Variants in RBFOX1 observed in about 807,000 individuals in gnomAD.
The protein encoded by RBFOX1 is RNA binding fox-1 homolog 1.
Under a neutral mutation model 57.7 loss-of-function variants are expected in RBFOX1, and 8 were observed. The observed-to-expected ratio is 0.14, with a 90% CI of 0.08 to 0.25. The LOEUF is 0.25. RBFOX1 is among the 10% of genes least tolerant of loss of function. RBFOX1 has a pLI of 1.00. For missense variants in RBFOX1, 611 were observed against 548.5 expected (o/e 1.11, Z -1.14); for synonymous variants, 326 against 222.4 (o/e 1.47, Z -4.15).
intron 3 of RBFOX1, among the ~76,000 whole-genome samples, chr16:5,622,507 G>A (rs1033325285): frequency 1.3e-5 from 2 of 152,206 alleles, no homozygotes; most frequent in Non-Finnish European, 2.9e-5. Context: ...CTTCGTTCAT[G>A]CCTGTGGAAT....
intron 1 of RBFOX1, among the ~76,000 whole-genome samples, chr16:5,383,607 C>G (rs942819552): frequency 6.6e-6 from 1 of 152,152 alleles, no homozygotes; most frequent in African/African-American, 2.4e-5. Context: ...TAGTAAGTCC[C>G]TAGGATCAAC....
At chr16:6,072,311 T>A (rs1023164849) in intron 1 of RBFOX1, among the ~76,000 whole-genome samples, 1 of 152,086 alleles carries the variant, frequency 6.6e-6, no homozygotes. Context: ...AAGGTGAAAT[T>A]TAGGTGGGGA....
At chr16:5,879,870 G>A (rs762460093) in intron 4 of RBFOX1, among the ~76,000 whole-genome samples, 3 of 152,124 alleles carry the variant, frequency 2.0e-5, no homozygotes, top group Non-Finnish European at 2.9e-5. Context: ...GAAAGGAAAC[G>A]GGGAATCTCT....
At chr16:6,940,284 ATAG>A (rs2078141080) in intron 3 of RBFOX1, among the ~76,000 whole-genome samples, 1 of 152,202 alleles carries the variant, frequency 6.6e-6, no homozygotes, top group East Asian at 1.9e-4. Context: ...TGCTGCCCAT[ATAG>A]GAAGGGGCTG....
intron 1 of RBFOX1, among the ~76,000 whole-genome samples, chr16:6,281,221 G>A (rs1355231920): frequency 6.6e-6 from 1 of 151,944 alleles, no homozygotes; most frequent in Non-Finnish European, 1.5e-5. Context: ...CTCCATGCCC[G>A]GTGCTAGGAC....
intron 2 of RBFOX1, among the ~76,000 whole-genome samples, chr16:6,579,204 A>T (rs554762328): frequency 1.3e-5 from 2 of 151,650 alleles, no homozygotes; most frequent in East Asian, 3.9e-4. Context: ...CTTTTTTGTT[A>T]TTGTTGTTTT....
intron 3 of RBFOX1, among the ~76,000 whole-genome samples, chr16:6,949,784 C>T (rs2080314494): frequency 6.7e-6 from 1 of 149,296 alleles, no homozygotes; most frequent in Admixed American, 6.7e-5. Context: ...GGGAATTGTT[C>T]ATTTTCTTCT....
At chr16:7,707,710 A>C (rs1387490619) in intron 14 of RBFOX1, among the ~76,000 whole-genome samples, 1 of 152,160 alleles carries the variant, frequency 6.6e-6, no homozygotes, top group African/African-American at 2.4e-5. Context: ...CTAATGCCGA[A>C]AACTTATGTA....
chr16:6,387,436 G>C (rs117553615), intron 2 of RBFOX1, among the ~76,000 whole-genome samples: 3,631 of 146,446 alleles, frequency 0.025, 85 homozygotes, highest in Middle Eastern at 0.038. Flanking sequence ...GCTTGTGAGG[G>C]AAGAGCCACC....
intron 2 of RBFOX1, among the ~76,000 whole-genome samples, chr16:5,530,116 G>C (rs932540553): frequency 2.6e-5 from 4 of 152,148 alleles, no homozygotes; most frequent in African/African-American, 9.7e-5. Context: ...ATGGCACTTT[G>C]CTATGGTAGC....
At chr16:6,467,107 C>G (rs1246064482) in intron 2 of RBFOX1, among the ~76,000 whole-genome samples, 3 of 150,238 alleles carry the variant, frequency 2.0e-5, no homozygotes, top group Admixed American at 1.3e-4. Context: ...ATAAAATTTA[C>G]TTAATATATG....
At chr16:5,405,632 T>G (rs2066844313) in intron 1 of RBFOX1, among the ~76,000 whole-genome samples, 1 of 152,226 alleles carries the variant, frequency 6.6e-6, no homozygotes, top group African/African-American at 2.4e-5. Context: ...AATGAGTTCA[T>G]GAATAAATCA....
intron 9 of RBFOX1, among the ~76,000 whole-genome samples, chr16:7,599,795 G>A (rs2152973638): frequency 1.2e-5 from 1 of 84,228 alleles, no homozygotes; most frequent in Non-Finnish European, 2.4e-5. Flanking sequence ...ACAATGCCTG[G>A]CTAGTTTTTT....
At chr16:5,865,425 T>C (rs911288956) in intron 3 of RBFOX1, among the ~76,000 whole-genome samples, 1 of 152,152 alleles carries the variant, frequency 6.6e-6, no homozygotes, top group African/African-American at 2.4e-5. Flanking sequence ...GGGCCCCGGA[T>C]TCATGGCTTG....
intron 4 of RBFOX1, among the ~76,000 whole-genome samples, chr16:7,231,091 G>A (rs914879150): frequency 2.6e-5 from 4 of 152,094 alleles, no homozygotes; most frequent in Admixed American, 6.6e-5. Flanking sequence ...TACCTCTCCA[G>A]AATTCAGGGT....
chr16:5,848,979 A>AC (rs983282207), intron 3 of RBFOX1, among the ~76,000 whole-genome samples: 38 of 151,496 alleles, frequency 2.5e-4, no homozygotes, highest in East Asian at 1.4e-3. Flanking sequence ...AACAACAACA[A>AC]AAAAAAACAG....
chr16:6,089,586 C>G (rs1597201533), intron 1 of RBFOX1, among the ~76,000 whole-genome samples: 1 of 152,130 alleles, frequency 6.6e-6, no homozygotes, highest in African/African-American at 2.4e-5. Flanking sequence ...ATGCATTTGT[C>G]TTTTGAATGC....
chr16:6,627,746 G>A (rs924515420), intron 2 of RBFOX1, among the ~76,000 whole-genome samples: 1 of 152,320 alleles, frequency 6.6e-6, no homozygotes, highest in Non-Finnish European at 1.5e-5. Context: ...GCCGGAGGGA[G>A]GGTGGAGATT....
At chr16:7,192,548 C>T (rs757725932) in intron 4 of RBFOX1, among the ~76,000 whole-genome samples, 1 of 152,120 alleles carries the variant, frequency 6.6e-6, no homozygotes, top group Non-Finnish European at 1.5e-5. Flanking sequence ...AGACCAAAGA[C>T]AAATAACAGC....
Sources: gnomAD v4.1 joint callset for allele counts (sites outside exome capture counted in the v4.1 genomes callset) on GRCh38, gnomAD v4.1.1 for gene constraint, MANE v1.5 for transcripts, NCBI Gene and HGNC (gene_info 2026-07-23, HGNC 2026-07-21) for gene names.